The following ASPDH variants were observed in gnomAD, a reference collection of about 807,000 sequenced individuals.
ASPDH encodes aspartate dehydrogenase domain containing.
Under a neutral mutation model 30.5 loss-of-function variants are expected in ASPDH, and 25 were observed. The observed-to-expected ratio is 0.82, with a 90% CI of 0.60 to 1.14. The LOEUF (loss-of-function observed/expected upper bound fraction) is 1.14, where lower values mean the gene tolerates loss of function less well. Ranked by LOEUF, ASPDH falls within the 50% of genes most tolerant of loss-of-function variation. The pLI is 0.00. For synonymous variants in ASPDH, 168 were observed against 156.3 expected (o/e 1.07, Z -0.56); for missense variants, 401 against 381.5 (o/e 1.05, Z -0.43).
chr19:50,512,081 C>T, intron 6 of ASPDH, 55 bp downstream of exon 6: 12 of 1,437,968 alleles, frequency 8.3e-6, no homozygotes, highest in South Asian at 1.4e-5. Context: ...CCCGGGACCC[C>T]CAAGCTCTGC....
chr19:50,512,181 C>T lies in ASPDH; in HGVS notation c.763G>A (p.Val255Ile), dbSNP rs1381705161. The change falls in exon 6 of 7, where the codon GTC (valine) becomes ATC (isoleucine). Residue 255 changes from valine to isoleucine, a missense_variant. Coordinates refer to ENST00000389208, the MANE Select transcript of ASPDH (RefSeq NM_001114598.2). ...GCCGTGACGGTGGCGGAGCCGGTGACCGCGCCTGGCTCGGCAGGGTTCTCT... is the reference window on the plus strand; with the variant it reads ...GCCGTGACGGTGGCGGAGCCGGTGATCGCGCCTGGCTCGGCAGGGTTCTCT... ...RRENPAEPGA[V>I]TGSATVTAFW... 2 of 1,599,898 alleles carry T rather than the reference C, an allele frequency of 1.3e-6. No individual in the cohort carries two copies. The highest frequency in any genetic ancestry group is 3.4e-5 in the Admixed American group (2 of 58,558).
chr19:50,514,489 A>G (rs1347036775), upstream of ASPDH: 2 of 1,612,626 alleles, frequency 1.2e-6, no homozygotes, highest in African/African-American at 2.7e-5. Context: ...TTGACTTGCT[A>G]CCTTTCACTC....
Position 50,512,211 on chromosome 19 carries a change from G to A in ASPDH, c.733C>T (p.Arg245Cys). The A allele has an allele frequency of 6.2e-7, 1 of 1,610,456 alleles. No individual in the cohort carries two copies. Among genetic ancestry groups the A allele is most frequent in the Non-Finnish European group, 8.5e-7 (1 of 1,179,308 alleles). Residue 245 changes from arginine (R) to cysteine (C), a missense_variant, in exon 6 of 7, where the codon CGC becomes TGC. Physicochemically the swap from Arg to Cys is radical, Grantham distance 180. Transcript: ENST00000389208. ...CCTGGCTCGGCAGGGTTCTCTCTGC[G>A]GGTGTGCACAGCAAAGCTTCGGCCC... The part of the protein sequence containing the change: ...PTGRSFAVHT[R>C]RENPAEPGAV...
rs200177114 is a variant in ASPDH at position 50,512,171 on chromosome 19, G to T, written c.773C>A (p.Ser258Tyr). Residue 258 changes from serine (S) to tyrosine (Y), a missense_variant, in exon 6 of 7, where the codon TCC becomes TAC. Physicochemically the swap from Ser to Tyr is moderately radical, Grantham distance 144. Transcript: ENST00000389208. ...CTGCCAGAAGGCCGTGACGGTGGCG[G>T]AGCCGGTGACCGCGCCTGGCTCGGC... is the stretch of plus-strand genomic sequence containing the variant. ...NPAEPGAVTGSATVTAFWQSL... is the reference protein window; with the variant it reads ...NPAEPGAVTGYATVTAFWQSL... 5.0e-6 allele frequency: 8 copies of T among 1,592,284 alleles called. No individual in the cohort carries two copies. The highest frequency in any genetic ancestry group is 6.8e-6 in the Non-Finnish European group (8 of 1,173,162).
chr19:50,511,953 C>CAGAGACTCAGGGGACGCGGACAT, intron 6 of ASPDH, 180 bp from the exon 7 acceptor site: 2 of 710,844 alleles, frequency 2.8e-6, no homozygotes, highest in South Asian at 2.0e-5. Flanking sequence ...GAGGCGGGCA[C>CAGAGACTCAGGGGACGCGGACAT]AAATGGAGAC....
upstream of ASPDH, chr19:50,514,376 C>T (rs1236970661): frequency 1.3e-5 from 20 of 1,518,216 alleles, no homozygotes; most frequent in East Asian, 2.5e-4. Context: ...CTTGCCTCAG[C>T]GGGTCCAACC....
In ASPDH at chr19:50,513,529, G is replaced by T. The variant is rs964948421; in HGVS notation, c.53-113C>A. 1 of 1,156,794 alleles carries T rather than the reference G, an allele frequency of 8.6e-7. No individual in the cohort carries two copies. Among genetic ancestry groups the T allele is most frequent in the East Asian group, 2.6e-5 (1 of 37,870 alleles). 71.7% of individuals were successfully genotyped at this position (1,156,794 alleles called of 1,614,324 possible). On this transcript the variant is annotated intron_variant, in intron 1 of 6. Coordinates refer to ENST00000389208, the MANE Select transcript of ASPDH (RefSeq NM_001114598.2). The surrounding 1 kb of genome is among the most constrained non-coding windows in gnomAD (Gnocchi z 4.9). ...GAGAGAGGAGGTGGGGACAGACTCAGATTGCGGGGTAGGGAGACAGAGATG... is the reference window on the plus strand; with the variant it reads ...GAGAGAGGAGGTGGGGACAGACTCATATTGCGGGGTAGGGAGACAGAGATG...
In ASPDH at chr19:50,512,207, C is replaced by G. The variant is rs554156918; in HGVS notation, c.737G>C (p.Arg246Thr). 1.2e-6 allele frequency: 2 copies of G among 1,610,148 alleles called. No homozygotes were observed. The highest frequency in any genetic ancestry group is 1.3e-5 in the African/African-American group (1 of 75,012). ...CGCGCCTGGCTCGGCAGGGTTCTCTCTGCGGGTGTGCACAGCAAAGCTTCG... is the reference window on the plus strand; with the variant it reads ...CGCGCCTGGCTCGGCAGGGTTCTCTGTGCGGGTGTGCACAGCAAAGCTTCG... ...TGRSFAVHTRRENPAEPGAVT... is the reference protein window; with the variant it reads ...TGRSFAVHTRTENPAEPGAVT... Residue 246 changes from arginine to threonine, a missense_variant, in exon 6 of 7, where the codon AGA becomes ACA. Physicochemically the swap from Arg to Thr is moderately conservative, Grantham distance 71. Coordinates refer to ENST00000389208, the MANE Select transcript of ASPDH (RefSeq NM_001114598.2).
At position 50,513,183 on chromosome 19, in the gene ASPDH, G is replaced by T; in HGVS notation, c.197+89C>A. 2 of 1,325,790 alleles carry T rather than the reference G, an allele frequency of 1.5e-6. No individual in the cohort carries two copies. The highest frequency in any genetic ancestry group is 2.0e-6 in the Non-Finnish European group (2 of 987,126). 82.1% of individuals were successfully genotyped at this position (1,325,790 alleles called of 1,614,324 possible). On this transcript the variant is annotated intron_variant, in intron 2 of 6. Coordinates refer to ENST00000389208, the MANE Select transcript of ASPDH (RefSeq NM_001114598.2). The surrounding 1 kb of genome is among the most constrained non-coding windows in gnomAD (Gnocchi z 4.9). ...TTGCTTGAACCAAGGCCCAGAGAGG[G>T]TCAGGGAACCCCTGAGATCACACAG...
At chr19:50,514,394 C>T, upstream of ASPDH, 2 of 1,582,860 alleles carry the variant, frequency 1.3e-6, no homozygotes. Flanking sequence ...ACCTCCCTAG[C>T]CCCGCTGCGC....
upstream of ASPDH, chr19:50,514,454 C>A (rs186378376): frequency 1.9e-6 from 3 of 1,613,990 alleles, no homozygotes; most frequent in Non-Finnish European, 2.5e-6. Context: ...AGCCTCCCTC[C>A]GCTCTGATCA....
Position 50,512,211 on chromosome 19 carries a change from G to C in ASPDH, c.733C>G (p.Arg245Gly). Residue 245 changes from arginine to glycine, a missense_variant, in exon 6 of 7, where the codon CGC becomes GGC. Physicochemically the swap from Arg to Gly is moderately radical, Grantham distance 125 (BLOSUM62 -2). Transcript: ENST00000389208. ...CCTGGCTCGGCAGGGTTCTCTCTGC[G>C]GGTGTGCACAGCAAAGCTTCGGCCC... Reference protein sequence around the residue: ...PTGRSFAVHTRRENPAEPGAV... With the variant: ...PTGRSFAVHTGRENPAEPGAV... The C allele has an allele frequency of 6.2e-7, 1 of 1,610,456 alleles. No homozygotes were observed.
intron 5 of ASPDH, 22 bp from the exon 6 acceptor site, chr19:50,512,312 G>A (rs760914585): frequency 6.2e-7 from 1 of 1,613,884 alleles, no homozygotes; most frequent in South Asian, 1.1e-5. Context: ...GGGGCAGTCA[G>A]TCTGGAGAGC....
In ASPDH at chr19:50,512,399, C is replaced by A; in HGVS notation, c.614G>T (p.Gly205Val). 1 of 1,613,544 alleles carries A rather than the reference C, an allele frequency of 6.2e-7. No homozygotes were observed. The highest frequency in any genetic ancestry group is 1.1e-5 in the South Asian group (1 of 91,064). The part of the protein sequence containing the change: ...AAAALAAPSL[G>V]FDGVIGVLVA... ...GAGCACCCCAATCACCCCATCGAAG[C>A]CCAGGCTGGGGGCAGCCAGGGCAGC... Residue 205 changes from glycine (G) to valine (V), a missense_variant, in exon 5 of 7, where the codon GGC (glycine) becomes GTC (valine). Gly to Val is a moderately radical substitution (Grantham distance 109). Coordinates refer to ENST00000389208, the MANE Select transcript of ASPDH (RefSeq NM_001114598.2).
In ASPDH at chr19:50,512,227, G is replaced by A. The variant is rs770936779; in HGVS notation, c.717C>T (p.Ser239=). The A allele has an allele frequency of 1.2e-6, 2 of 1,611,832 alleles. No homozygotes were observed. Among genetic ancestry groups the A allele is most frequent in the African/African-American group, 1.3e-5 (1 of 74,920 alleles). ...LSGPRGPTGR[S]FAVHTRRENP... ...TCTCTCTGCGGGTGTGCACAGCAAA[G>A]CTTCGGCCCGTGGGGCCCCGGGGTC... The change falls in exon 6 of 7, where the codon AGC becomes AGT. Residue 239 remains serine, a synonymous_variant. Coordinates refer to ENST00000389208, the MANE Select transcript of ASPDH (RefSeq NM_001114598.2).
At position 50,512,270 on chromosome 19, in the gene ASPDH, A is replaced by G. The variant is rs746591335; in HGVS notation, c.674T>C (p.Val225Ala). Residue 225 changes from valine (V) to alanine (A), a missense_variant, in exon 6 of 7, where the codon GTG (valine) becomes GCG (alanine). Coordinates refer to ENST00000389208, the MANE Select transcript of ASPDH (RefSeq NM_001114598.2). Reference protein sequence around the residue: ...ADTSLTDMHVVDVELSGPRGP... With the variant: ...ADTSLTDMHVADVELSGPRGP... ...CCGGGGTCCGCTCAGCTCTACATCC[A>G]CCACGTGCATGTCCGTGAGGCTGGG... is the stretch of plus-strand genomic sequence containing the variant. 1 of 1,613,554 alleles carries G rather than the reference A, an allele frequency of 6.2e-7. No homozygotes were observed. Among genetic ancestry groups the G allele is most frequent in the Non-Finnish European group, 8.5e-7 (1 of 1,179,910 alleles).
Position 50,513,340 on chromosome 19 carries a change from G to A in ASPDH, c.129C>T (p.Asp43=), listed in dbSNP as rs1186701247. 3 of 1,541,218 alleles carry A rather than the reference G, an allele frequency of 1.9e-6. No homozygotes were observed. The South Asian group carries it at 3.6e-5, about 19-fold the overall frequency. ...GLELVFVWNR[D]PGRMAGSVPP... Reference sequence around the variant, plus strand: ...GCACGCTCCCTGCCATTCGTCCTGGGTCACGATTCCAGACAAAAACAAGTT... The same window carrying A: ...GCACGCTCCCTGCCATTCGTCCTGGATCACGATTCCAGACAAAAACAAGTT... Residue 43 remains aspartate (D), a synonymous_variant, in exon 2 of 7, where the codon GAC becomes GAT. Coordinates refer to ENST00000389208, the MANE Select transcript of ASPDH (RefSeq NM_001114598.2). The surrounding 1 kb of genome is among the most constrained non-coding windows in gnomAD (Gnocchi z 4.9).
In ASPDH at chr19:50,513,673, G is replaced by T. The variant is rs1980097679; in HGVS notation, c.52+99C>A. On this transcript the variant is annotated intron_variant, in intron 1 of 6. Coordinates refer to ENST00000389208, the MANE Select transcript of ASPDH (RefSeq NM_001114598.2). The surrounding 1 kb of genome is among the most constrained non-coding windows in gnomAD (Gnocchi z 4.9). ...GGCAGACCCAGAGACACAGCCAGGGGCAGATAGAGAGAGAAAAAAGTGTTT... is the reference window on the plus strand; with the variant it reads ...GGCAGACCCAGAGACACAGCCAGGGTCAGATAGAGAGAGAAAAAAGTGTTT... 3 of 952,950 alleles carry T rather than the reference G, an allele frequency of 3.1e-6. No homozygotes were observed. Among genetic ancestry groups the T allele is most frequent in the African/African-American group, 1.6e-5 (1 of 61,176 alleles). The allele number at this position is 952,950 out of a possible 1,614,324, so 59.0% of individuals were successfully genotyped here.
In ASPDH at chr19:50,512,206, T is replaced by A; in HGVS notation, c.738A>T (p.Arg246Ser). The A allele has an allele frequency of 6.2e-7, 1 of 1,609,882 alleles. No homozygotes were observed. Among genetic ancestry groups the A allele is most frequent in the Non-Finnish European group, 8.5e-7 (1 of 1,179,186 alleles). The stretch of plus-strand genomic sequence containing the variant: ...CCGCGCCTGGCTCGGCAGGGTTCTC[T>A]CTGCGGGTGTGCACAGCAAAGCTTC... ...TGRSFAVHTRRENPAEPGAVT... is the reference protein window; with the variant it reads ...TGRSFAVHTRSENPAEPGAVT... The change falls in exon 6 of 7, where the codon AGA (arginine) becomes AGT (serine). Residue 246 changes from arginine to serine, a missense_variant. Transcript: ENST00000389208.
Sources: gnomAD v4.1 joint callset for allele counts on GRCh38, gnomAD v4.1.1 for gene constraint, Gnocchi (gnomAD v3.1) non-coding constraint, MANE v1.5 for transcripts, NCBI Gene and HGNC (gene_info 2026-07-23, HGNC 2026-07-21) for gene names.